The following CLECL1 variants were observed in gnomAD, a reference collection of about 807,000 sequenced individuals.
The protein encoded by CLECL1 is C-type lectin-like domain family 1.
At chr12:9,729,956 A>G (rs1055014058) in intron 1 of CLECL1, among the ~76,000 whole-genome samples, 3 of 152,136 alleles carry the variant, frequency 2.0e-5, no homozygotes, top group Admixed American at 1.3e-4. Flanking sequence ...GGGTTTTTAT[A>G]TAAGACTGTG....
downstream of CLECL1, chr12:9,718,863 G>A (rs1258178383): frequency 1.6e-6 from 1 of 622,832 alleles, no homozygotes; most frequent in Non-Finnish European, 2.8e-6. Flanking sequence ...TGAAAAATAA[G>A]TTTCTGTTGC....
chr12:9,717,794 C>T (rs1866256743), downstream of CLECL1, among the ~76,000 whole-genome samples: 1 of 152,146 alleles, frequency 6.6e-6, no homozygotes, highest in African/African-American at 2.4e-5. Context: ...CTTAGCTTTA[C>T]AGTAAGACCT....
chr12:9,724,327 T>C (rs2121053004), intron 3 of CLECL1, among the ~76,000 whole-genome samples: 1 of 152,114 alleles, frequency 6.6e-6, no homozygotes, highest in South Asian at 2.1e-4. Flanking sequence ...ATGCCTTACA[T>C]GAAAAACCAG....
At chr12:9,712,836 T>G (rs1430143449), downstream of CLECL1, among the ~76,000 whole-genome samples, 3 of 152,180 alleles carry the variant, frequency 2.0e-5, no homozygotes, top group Admixed American at 2.0e-4. Context: ...AGTACAACTA[T>G]TAATAAAACC....
intron 1 of CLECL1, among the ~76,000 whole-genome samples, chr12:9,729,953 T>G (rs938005795): frequency 6.6e-6 from 1 of 152,260 alleles, no homozygotes; most frequent in African/African-American, 2.4e-5. Context: ...TCTGGGTTTT[T>G]ATATAAGACT....
intron 1 of CLECL1, among the ~76,000 whole-genome samples, chr12:9,732,657 G>C (rs951867821): frequency 1.3e-5 from 2 of 152,220 alleles, no homozygotes; most frequent in African/African-American, 2.4e-5. Context: ...AGAAAGGCGT[G>C]ATCCCGCTAG....
the CLECL1 span, among the ~76,000 whole-genome samples, chr12:9,710,273 C>G: frequency 6.6e-6 from 1 of 152,134 alleles, no homozygotes; most frequent in African/African-American, 2.4e-5. Flanking sequence ...GTTCAGGCAA[C>G]CAGAGCCTCA....
intron 1 of CLECL1, 102 bp downstream of exon 1, chr12:9,732,847 C>A: frequency 1.0e-6 from 1 of 954,432 alleles, no homozygotes; most frequent in Non-Finnish European, 1.5e-6. Flanking sequence ...TGCTTTGAAT[C>A]CAATCTCCTC....
chr12:9,720,343 T>A (rs1293905100), downstream of CLECL1, among the ~76,000 whole-genome samples: 1 of 139,086 alleles, frequency 7.2e-6, no homozygotes, highest in Admixed American at 7.0e-5. Flanking sequence ...ACCTCTGTAT[T>A]TTTTTTTTTT....
chr12:9,711,642 A>AT (rs910900859), downstream of CLECL1, among the ~76,000 whole-genome samples: 21 of 150,622 alleles, frequency 1.4e-4, no homozygotes, highest in African/African-American at 3.4e-4. Context: ...GATTATTATT[A>AT]TTTTTTTTTT....
intron 1 of CLECL1, among the ~76,000 whole-genome samples, chr12:9,731,055 T>C (rs1249583267): frequency 6.6e-6 from 1 of 152,190 alleles, no homozygotes; most frequent in African/African-American, 2.4e-5. Context: ...AAATTTCAGA[T>C]TTCATAAAAA....
downstream of CLECL1, chr12:9,718,823 C>T (rs1009567235): frequency 1.5e-6 from 1 of 686,532 alleles, no homozygotes; most frequent in Non-Finnish European, 2.6e-6. Context: ...CTGCCAACAA[C>T]CTTGATCTTG....
At chr12:9,733,306 T>G, upstream of CLECL1, 1 of 1,363,236 alleles carries the variant, frequency 7.3e-7, no homozygotes, top group Non-Finnish European at 1.0e-6. Flanking sequence ...TGCCTAAACT[T>G]GAAATGCTTT....
upstream of CLECL1, chr12:9,733,057 C>T (rs147608426): frequency 2.1e-4 from 331 of 1,613,974 alleles, no homozygotes; most frequent in Non-Finnish European, 2.7e-4. Context: ...AGAGAGAAGA[C>T]CACAAATGAT....
At chr12:9,712,618 T>C (rs1362937982), downstream of CLECL1, among the ~76,000 whole-genome samples, 1 of 152,216 alleles carries the variant, frequency 6.6e-6, no homozygotes, top group Non-Finnish European at 1.5e-5. Context: ...CCACCTTGCC[T>C]TTTTTCTAAT....
chr12:9,725,962 A>G (rs762358138), intron 3 of CLECL1, among the ~76,000 whole-genome samples: 2 of 152,164 alleles, frequency 1.3e-5, no homozygotes, highest in African/African-American at 4.8e-5. Flanking sequence ...TGAGCCTTTC[A>G]TCAGTCTGAA....
the CLECL1 span, among the ~76,000 whole-genome samples, chr12:9,707,632 C>T: frequency 6.6e-6 from 1 of 152,126 alleles, no homozygotes; most frequent in Non-Finnish European, 1.5e-5. Context: ...AAGCCACACC[C>T]CCATCACATG....
At chr12:9,719,316 G>A (rs1483132768), downstream of CLECL1, among the ~76,000 whole-genome samples, 1 of 152,100 alleles carries the variant, frequency 6.6e-6, no homozygotes, top group Non-Finnish European at 1.5e-5. Flanking sequence ...CACAAGGTCA[G>A]GAGATCGAGA....
chr12:9,722,214 G>A (rs1180890651), downstream of CLECL1, among the ~76,000 whole-genome samples: 1 of 152,180 alleles, frequency 6.6e-6, no homozygotes, highest in East Asian at 1.9e-4. Context: ...TTAGCTAAAT[G>A]TTAGCTATCC....
Sources: gnomAD v4.1 joint callset for allele counts (sites outside exome capture counted in the v4.1 genomes callset) on GRCh38, gnomAD v4.1.1 for gene constraint, MANE v1.5 for transcripts, NCBI Gene and HGNC (gene_info 2026-07-23, HGNC 2026-07-21) for gene names.